Variants in NCKAP1 observed in about 807,000 individuals in gnomAD.
NCKAP1 encodes the protein nck-associated protein 1.
In NCKAP1, 21 loss-of-function variants were observed where a neutral mutation model predicts 151.2. That is an observed-to-expected ratio of 0.14 (90% CI 0.10 to 0.20). NCKAP1 has a LOEUF of 0.20. Ranked by LOEUF, NCKAP1 falls within the 10% of genes least tolerant of loss-of-function variation. The pLI, the probability that NCKAP1 is intolerant of heterozygous loss-of-function variation, is 1.00. For missense variants in NCKAP1, 933 were observed against 1,352.1 expected (o/e 0.69, Z 4.86); for synonymous variants, 484 against 451.8 (o/e 1.07, Z -0.90).
rs531617414 is a variant in NCKAP1, at chr2:182,991,129, GCTA to G, written c.791-1946_791-1944del. ...GTACGTTAACACTTACAAAATACTT[GCTA>G]CTACTAATACAAAGTTTCTCTGAAA... On this transcript the variant is annotated intron_variant, in intron 8 of 30. Coordinates refer to ENST00000361354, the MANE Select transcript of NCKAP1 (RefSeq NM_013436.5). 4.1e-3 allele frequency among the ~76,000 whole-genome samples: 629 copies of G among 152,214 alleles called. 9 individuals are homozygous for G. Among genetic ancestry groups the G allele is most frequent in the African/African-American group, 0.014 (597 of 41,534 alleles).
intron 23 of NCKAP1, among the ~76,000 whole-genome samples, chr2:182,946,454 A>G (rs1697108064): frequency 1.3e-5 from 2 of 152,028 alleles, no homozygotes; most frequent in Admixed American, 1.3e-4. Flanking sequence ...AGAGGGTGGG[A>G]GGAGGTTAAG....
intron 15 of NCKAP1, among the ~76,000 whole-genome samples, chr2:182,970,794 G>A (rs981007151): frequency 6.6e-6 from 1 of 152,044 alleles, no homozygotes; most frequent in Non-Finnish European, 1.5e-5. Context: ...TAAATAAAAG[G>A]CATGCAAACT....
chr2:182,930,858 T>TA (rs1696749382), intron 26 of NCKAP1, 70 bp from the exon 27 acceptor site: 1 of 1,349,334 alleles, frequency 7.4e-7, no homozygotes, highest in Non-Finnish European at 1.0e-6. Context: ...CACTGTTTAT[T>TA]AGAGTCTGCC....
intron 11 of NCKAP1, among the ~76,000 whole-genome samples, 165 bp downstream of exon 11, chr2:182,983,121 A>G (rs1575046352): frequency 6.6e-6 from 1 of 152,216 alleles, no homozygotes; most frequent in Admixed American, 6.5e-5. Flanking sequence ...AGAAGAATGC[A>G]GGGAGGTACG....
intron 29 of NCKAP1, 100 bp from the exon 30 acceptor site, chr2:182,927,005 A>G (rs1454133960): frequency 1.4e-6 from 1 of 730,502 alleles, no homozygotes; most frequent in African/African-American, 1.8e-5. Context: ...TCAATCATTC[A>G]GTGCTAAATA....
At position 182,928,890 on chromosome 2, in the gene NCKAP1, C is replaced by G; in HGVS notation, c.2963G>C (p.Ser988Thr). ...GGCAATTTTATACTCTTCTTCTGGA[C>G]TAATGTTTTCTAAGAGACAAAAATT... ...ALSSQKSENI[S>T]PEEEYKIACL... Residue 988 changes from serine (S) to threonine (T), a missense_variant, in exon 28 of 31, where the codon AGT becomes ACT. Ser to Thr is a moderately conservative substitution (Grantham distance 58, BLOSUM62 1). Coordinates refer to ENST00000361354, the MANE Select transcript of NCKAP1 (RefSeq NM_013436.5). 6.3e-7 allele frequency: 1 copy of G among 1,596,474 alleles called. No homozygotes were observed. Among genetic ancestry groups the G allele is most frequent in the Non-Finnish European group, 8.6e-7 (1 of 1,167,924 alleles).
chr2:182,996,207 GAA>G (rs1455443106), intron 6 of NCKAP1, among the ~76,000 whole-genome samples: 1 of 152,100 alleles, frequency 6.6e-6, no homozygotes, highest in African/African-American at 2.4e-5. Flanking sequence ...AGTTCCAAAA[GAA>G]AAAGACTTCA....
At chr2:182,989,676 C>T (rs1429222348) in intron 8 of NCKAP1, among the ~76,000 whole-genome samples, 3 of 152,108 alleles carry the variant, frequency 2.0e-5, no homozygotes, top group African/African-American at 7.2e-5. Context: ...TGCGCCACTG[C>T]ACTCCAGCCT....
At chr2:182,952,738 T>C in intron 22 of NCKAP1, 55 bp downstream of exon 22, 2 of 1,484,048 alleles carry the variant, frequency 1.3e-6, no homozygotes, top group Non-Finnish European at 1.8e-6. Flanking sequence ...ATCAAGACAC[T>C]AGCAAAAGAA....
chr2:182,960,282 T>C (rs919370535), intron 18 of NCKAP1, among the ~76,000 whole-genome samples: 4 of 152,202 alleles, frequency 2.6e-5, no homozygotes, highest in African/African-American at 4.8e-5. Context: ...AAGTCAATCC[T>C]AAGCCAAAAG....
chr2:183,002,931 T>C (rs375828923), intron 4 of NCKAP1, 43 bp downstream of exon 4: 28 of 1,505,628 alleles, frequency 1.9e-5, no homozygotes, highest in Admixed American at 3.5e-5. Flanking sequence ...TGAGCTCTTC[T>C]GGAAACAGAA....
rs1352280184 is a variant in NCKAP1 at position 183,003,013 on chromosome 2, C to A, written c.330G>T (p.Leu110Phe). The A allele has an allele frequency of 1.9e-6, 3 of 1,608,294 alleles. No homozygotes were observed. The highest frequency in any genetic ancestry group is 2.6e-6 in the Non-Finnish European group (3 of 1,176,348). The change falls in exon 4 of 31, where the codon TTG (leucine) becomes TTT (phenylalanine). Residue 110 changes from leucine to phenylalanine, a missense_variant. Leu to Phe is a conservative substitution (Grantham distance 22, BLOSUM62 0). Coordinates refer to ENST00000361354, the MANE Select transcript of NCKAP1 (RefSeq NM_013436.5). ...CTTGGCAAACGTCAATAGTATTCAG[C>A]AATTCACAAACATGGTCCTGAAAAG... ...VMEFKDHVCELLNTIDVCQVF... is the reference protein window; with the variant it reads ...VMEFKDHVCEFLNTIDVCQVF...
chr2:183,020,777 C>G (rs1698783650), intron 2 of NCKAP1, among the ~76,000 whole-genome samples: 1 of 152,082 alleles, frequency 6.6e-6, no homozygotes, highest in South Asian at 2.1e-4. Flanking sequence ...CTATCTTTTC[C>G]AGTCTTTAAG....
At chr2:182,993,215 A>G (rs759463867) in intron 8 of NCKAP1, among the ~76,000 whole-genome samples, 2 of 152,208 alleles carry the variant, frequency 1.3e-5, no homozygotes, top group African/African-American at 2.4e-5. Flanking sequence ...ACCTAATACA[A>G]TACCTACACA....
chr2:183,019,884 T>C (rs1029998526), intron 2 of NCKAP1, among the ~76,000 whole-genome samples: 4 of 152,094 alleles, frequency 2.6e-5, no homozygotes, highest in Admixed American at 6.6e-5. Context: ...TTACAACTGG[T>C]CACAAACAAG....
chr2:182,975,413 T>G (rs1029012053), intron 15 of NCKAP1, among the ~76,000 whole-genome samples: 2 of 152,046 alleles, frequency 1.3e-5, no homozygotes, highest in Admixed American at 6.6e-5. Flanking sequence ...AGAAAAGTGC[T>G]TATGCATTTT....
chr2:183,035,457 C>T (rs1024158051), intron 1 of NCKAP1, among the ~76,000 whole-genome samples: 1 of 151,864 alleles, frequency 6.6e-6, no homozygotes, highest in Non-Finnish European at 1.5e-5. Flanking sequence ...ATCTGGTAGA[C>T]AATCTAATGC....
chr2:182,971,568 A>G (rs927149090), intron 15 of NCKAP1, among the ~76,000 whole-genome samples: 2 of 152,000 alleles, frequency 1.3e-5, no homozygotes, highest in Admixed American at 6.6e-5. Flanking sequence ...GGAACAAACA[A>G]CAACAAAAAA....
chr2:182,942,711 C>A (rs1170534292), intron 23 of NCKAP1, among the ~76,000 whole-genome samples: 1 of 151,382 alleles, frequency 6.6e-6, no homozygotes, highest in Non-Finnish European at 1.5e-5. Context: ...CTTTCACAGA[C>A]CACTGAGAAA....
Sources: gnomAD v4.1 joint callset for allele counts (sites outside exome capture counted in the v4.1 genomes callset) on GRCh38, gnomAD v4.1.1 for gene constraint, MANE v1.5 for transcripts, NCBI Gene and HGNC (gene_info 2026-07-23, HGNC 2026-07-21) for gene names.